SEMA5A: variants seen among roughly 807,000 people sequenced by gnomAD.
SEMA5A encodes the protein semaphorin 5A.
SEMA5A carries 55 observed loss-of-function variants against 135.5 expected under a neutral mutation model. The observed-to-expected ratio is 0.41, with a 90% CI of 0.33 to 0.51. The LOEUF (loss-of-function observed/expected upper bound fraction) is 0.51. SEMA5A is among the 20% of genes least tolerant of loss of function. The pLI, the probability that SEMA5A is intolerant of heterozygous loss-of-function variation, is 0.37. For missense variants in SEMA5A, 1,290 were observed against 1,419.9 expected (o/e 0.91, Z 1.47); for synonymous variants, 580 against 546.5 (o/e 1.06, Z -0.85).
At chr5:9,076,868 TTGTG>T (rs70943938) in intron 16 of SEMA5A, among the ~76,000 whole-genome samples, 1,503 of 144,046 alleles carry the variant, frequency 0.01, 6 homozygotes, top group African/African-American at 0.012. Flanking sequence ...ATTACGATCT[TTGTG>T]TGTGTGTGTG....
intron 16 of SEMA5A, among the ~76,000 whole-genome samples, chr5:9,096,493 C>G (rs1373956388): frequency 1.3e-5 from 2 of 151,696 alleles, no homozygotes; most frequent in Non-Finnish European, 2.9e-5. Context: ...TAATGTGTGC[C>G]ACATCCATCC....
chr5:9,150,537 GA>G (rs1560964362), intron 12 of SEMA5A, among the ~76,000 whole-genome samples: 1 of 152,112 alleles, frequency 6.6e-6, no homozygotes, highest in Non-Finnish European at 1.5e-5. Context: ...AAACTTGACG[GA>G]AATATAATTT....
At chr5:9,436,197 C>A (rs2126668349) in intron 2 of SEMA5A, among the ~76,000 whole-genome samples, 1 of 152,300 alleles carries the variant, frequency 6.6e-6, no homozygotes, top group African/African-American at 2.4e-5. Context: ...GCCTGACACA[C>A]AATGAGGACT....
At chr5:9,390,245 T>C (rs1175087841) in intron 2 of SEMA5A, among the ~76,000 whole-genome samples, 1 of 152,178 alleles carries the variant, frequency 6.6e-6, no homozygotes, top group Non-Finnish European at 1.5e-5. Context: ...GGGATTACTA[T>C]AGCCAGACAG....
chr5:9,114,860 A>T (rs981272331), intron 15 of SEMA5A, among the ~76,000 whole-genome samples: 9 of 152,238 alleles, frequency 5.9e-5, no homozygotes, highest in African/African-American at 2.2e-4. Flanking sequence ...GTAAAAGCTG[A>T]TGTAGTGACT....
chr5:9,379,163 G>T (rs1755487379), intron 3 of SEMA5A, among the ~76,000 whole-genome samples: 1 of 152,108 alleles, frequency 6.6e-6, no homozygotes, highest in African/African-American at 2.4e-5. Context: ...ACCACTTGTT[G>T]CATGAATTAC....
At chr5:9,166,723 C>T (rs1161668183) in intron 11 of SEMA5A, among the ~76,000 whole-genome samples, 1 of 152,134 alleles carries the variant, frequency 6.6e-6, no homozygotes, top group Non-Finnish European at 1.5e-5. Context: ...CACTGCATTT[C>T]CTGTGAATAA....
chr5:9,389,207 C>A (rs974942732), intron 2 of SEMA5A, among the ~76,000 whole-genome samples: 2 of 152,146 alleles, frequency 1.3e-5, no homozygotes, highest in East Asian at 3.9e-4. Flanking sequence ...ATTTATTTCA[C>A]ATCTGGCATT....
chr5:9,350,572 G>A (rs1361480352), intron 3 of SEMA5A, among the ~76,000 whole-genome samples: 1 of 152,170 alleles, frequency 6.6e-6, no homozygotes, highest in Non-Finnish European at 1.5e-5. Flanking sequence ...CTTCAGGAAG[G>A]GCTGGAGTCT....
chr5:9,070,226 C>G (rs926382925), intron 16 of SEMA5A, among the ~76,000 whole-genome samples: 1 of 152,074 alleles, frequency 6.6e-6, no homozygotes, highest in East Asian at 1.9e-4. Flanking sequence ...CAAAAATTAG[C>G]GGGGCATGGT....
At chr5:9,476,941 C>T (rs1190041229) in intron 1 of SEMA5A, among the ~76,000 whole-genome samples, 1 of 151,910 alleles carries the variant, frequency 6.6e-6, no homozygotes, top group Non-Finnish European at 1.5e-5. Flanking sequence ...AATAGCCATG[C>T]ATGGTAATAT....
chr5:9,259,014 G>C (rs534543652), intron 5 of SEMA5A, among the ~76,000 whole-genome samples: 1 of 151,912 alleles, frequency 6.6e-6, no homozygotes, highest in Admixed American at 6.6e-5. Context: ...TAGAGGTGGG[G>C]TTTCACCATG....
intron 13 of SEMA5A, among the ~76,000 whole-genome samples, chr5:9,128,680 G>A (rs1311052980): frequency 6.6e-6 from 1 of 152,092 alleles, no homozygotes; most frequent in Non-Finnish European, 1.5e-5. Flanking sequence ...ATTTCTTTAT[G>A]CTATTTTTAT....
At position 9,050,575 on chromosome 5, in the gene SEMA5A, AG is replaced by A. The variant is rs1207115190; in HGVS notation, c.2846-119del. On this transcript the variant is annotated intron_variant, in intron 20 of 22. Coordinates refer to ENST00000382496, the MANE Select transcript of SEMA5A (RefSeq NM_003966.3). ...ATGTTATGTGACACAAAGTTTCAAA[AG>A]CTTGATTAATTATCAGAAAAATTCT... is the stretch of plus-strand genomic sequence containing the variant. 10 of 858,268 alleles carry A rather than the reference AG, an allele frequency of 1.2e-5. No individual in the cohort carries two copies. The African/African-American group carries it at 1.6e-4, about 14-fold the overall frequency. The allele number at this position is 858,268 out of a possible 1,614,324, so 53.2% of individuals were successfully genotyped here.
chr5:9,512,302 T>C (rs879855812), intron 1 of SEMA5A, among the ~76,000 whole-genome samples: 44 of 152,354 alleles, frequency 2.9e-4, no homozygotes, highest in African/African-American at 9.6e-4. Context: ...CTTTTTATTA[T>C]ATATAACATC....
chr5:9,450,393 G>T (rs987468934), intron 1 of SEMA5A, among the ~76,000 whole-genome samples: 4 of 152,298 alleles, frequency 2.6e-5, no homozygotes, highest in East Asian at 3.9e-4. Flanking sequence ...AGTATACATT[G>T]TTCCAGTATC....
At chr5:9,302,835 C>T (rs770637199) in intron 5 of SEMA5A, among the ~76,000 whole-genome samples, 2 of 152,256 alleles carry the variant, frequency 1.3e-5, no homozygotes, top group Non-Finnish European at 2.9e-5. Flanking sequence ...GAAAAAGAGG[C>T]CGCTTGACAA....
intron 5 of SEMA5A, among the ~76,000 whole-genome samples, chr5:9,243,033 T>C (rs1452840018): frequency 4.6e-5 from 7 of 152,214 alleles, no homozygotes; most frequent in Non-Finnish European, 1.0e-4. Flanking sequence ...AGAGTGGTGC[T>C]CCCAGCCTGT....
intron 5 of SEMA5A, among the ~76,000 whole-genome samples, chr5:9,243,580 C>T (rs1294767236): frequency 2.0e-5 from 3 of 152,108 alleles, no homozygotes; most frequent in Admixed American, 6.6e-5. Flanking sequence ...CATTGCTTTG[C>T]CACAAATTAG....
Sources: gnomAD v4.1 joint callset for allele counts (sites outside exome capture counted in the v4.1 genomes callset) on GRCh38, gnomAD v4.1.1 for gene constraint, MANE v1.5 for transcripts, NCBI Gene and HGNC (gene_info 2026-07-23, HGNC 2026-07-21) for gene names.